The following ZYG11B variants were observed in gnomAD, a reference collection of about 807,000 sequenced individuals.
ZYG11B encodes zyg-11 family member B, cell cycle regulator, also known as protein zyg-11 homolog B.
In ZYG11B, 36 loss-of-function variants were observed where a neutral mutation model predicts 82.4. The ratio of observed to expected loss-of-function variants is 0.44; its 90% CI spans 0.33 to 0.58. The LOEUF (loss-of-function observed/expected upper bound fraction) is 0.58. Among genes scored for constraint, ZYG11B ranks in the 20% least tolerant of loss-of-function variants. The pLI is 0.02. For synonymous variants in ZYG11B, 303 were observed against 312.8 expected (o/e 0.97, Z 0.33); for missense variants, 552 against 895.6 (o/e 0.62, Z 4.90).
chr1:52,769,630 C>T (rs954928580), intron 2 of ZYG11B, among the ~76,000 whole-genome samples: 17 of 152,162 alleles, frequency 1.1e-4, no homozygotes, highest in Admixed American at 1.0e-3. Context: ...GCAGGTTTTG[C>T]ACAGGCCTTT....
At chr1:52,791,529 C>T (rs978279948) in intron 6 of ZYG11B, among the ~76,000 whole-genome samples, 6 of 151,776 alleles carry the variant, frequency 4.0e-5, no homozygotes, top group Admixed American at 1.3e-4. Flanking sequence ...CCATCATACC[C>T]GGCTAATTTT....
At chr1:52,809,244 T>C (rs1645164745) in intron 10 of ZYG11B, among the ~76,000 whole-genome samples, 1 of 152,216 alleles carries the variant, frequency 6.6e-6, no homozygotes, top group African/African-American at 2.4e-5. Context: ...TTTATAATGT[T>C]GTAGAACCAT....
chr1:52,779,956 C>G lies in ZYG11B; in HGVS notation c.1055C>G (p.Thr352Ser). ...GCTCTATTTCATCTTTTTAGTCTGA[C>G]TCATGTGATGGAAAAAACAAAGCCA... is the stretch of plus-strand genomic sequence containing the variant. Reference protein sequence around the residue: ...REALFHLFSLTHVMEKTKPEI... With the variant: ...REALFHLFSLSHVMEKTKPEI... Residue 352 changes from threonine to serine, a missense_variant, in exon 4 of 14, where the codon ACT (threonine) becomes AGT (serine). Physicochemically the swap from Thr to Ser is moderately conservative, Grantham distance 58. This residue lies in a region of ZYG11B where 359 missense variants were observed against 555.8 expected (regional missense o/e 0.65). Coordinates refer to ENST00000294353, the MANE Select transcript of ZYG11B (RefSeq NM_024646.3). 1 of 1,613,788 alleles carries G rather than the reference C, an allele frequency of 6.2e-7. No homozygotes were observed. Among genetic ancestry groups the G allele is most frequent in the Non-Finnish European group, 8.5e-7 (1 of 1,179,946 alleles).
chr1:52,780,156 A>G (rs942737875), intron 4 of ZYG11B, among the ~76,000 whole-genome samples, 163 bp downstream of exon 4: 2 of 152,202 alleles, frequency 1.3e-5, no homozygotes, highest in South Asian at 2.1e-4. Flanking sequence ...GAGAGAAGAT[A>G]GTTGTACAAT....
chr1:52,771,084 C>T lies in ZYG11B; in HGVS notation c.261C>T (p.Cys87=), dbSNP rs780790166. The change falls in exon 3 of 14, where the codon TGC becomes TGT. Residue 87 remains cysteine (C), a synonymous_variant. Coordinates refer to ENST00000294353, the MANE Select transcript of ZYG11B (RefSeq NM_024646.3). The surrounding 1 kb of genome is among the most constrained non-coding windows in gnomAD (Gnocchi z 5.4). ...RGNQMRLKRA[C]IRKAKISAVA... is the part of the protein sequence containing the mutation. Reference sequence around the variant, plus strand: ...ACCAGATGCGCTTAAAGCGAGCCTGCATTCGCAAAGCAAAGATCTCTGCTG... The same window carrying T: ...ACCAGATGCGCTTAAAGCGAGCCTGTATTCGCAAAGCAAAGATCTCTGCTG... The T allele has an allele frequency of 2.5e-6, 4 of 1,614,196 alleles. No homozygotes were observed. The Admixed American group carries it at 6.7e-5, about 27-fold the overall frequency.
At position 52,816,612 on chromosome 1, in the gene ZYG11B, A is replaced by G; in HGVS notation, c.2027A>G (p.His676Arg). Residue 676 changes from histidine to arginine, a missense_variant, in exon 13 of 14, where the codon CAT (histidine) becomes CGT (arginine). His to Arg is a conservative substitution (Grantham distance 29). Coordinates refer to ENST00000294353, the MANE Select transcript of ZYG11B (RefSeq NM_024646.3). ...CTATGGGCAGTTTGGGCCATGCAAC[A>G]TGTCTGCAGCAAGAATCGTATGTAC... is the stretch of plus-strand genomic sequence containing the variant. The part of the protein sequence containing the change: ...VQLWAVWAMQ[H>R]VCSKNPSRYC... 2 of 1,609,786 alleles carry G rather than the reference A, an allele frequency of 1.2e-6. No homozygotes were observed. The highest frequency in any genetic ancestry group is 1.7e-6 in the Non-Finnish European group (2 of 1,178,698).
chr1:52,760,444 GACA>G (rs557722602), intron 2 of ZYG11B, among the ~76,000 whole-genome samples: 4 of 151,598 alleles, frequency 2.6e-5, no homozygotes, highest in African/African-American at 4.8e-5. Context: ...GACTCTTAAC[GACA>G]ACAACAACAA....
chr1:52,773,709 C>T (rs1383325905), intron 3 of ZYG11B, among the ~76,000 whole-genome samples: 2 of 117,428 alleles, frequency 1.7e-5, no homozygotes, highest in African/African-American at 6.6e-5. Flanking sequence ...GTGGTATGAT[C>T]TTGGCTCACT....
rs1190047037 is a variant in ZYG11B, at chr1:52,803,093, T to C, written c.1695+954T>C. The stretch of plus-strand genomic sequence containing the variant: ...CTATATATATATATATACACATATA[T>C]ATATACATATATATATATATATATA... On this transcript the variant is annotated intron_variant, in intron 10 of 13. Transcript: ENST00000294353. Among the ~76,000 whole-genome samples the C allele has an allele frequency of 9.0e-4, 19 of 21,218 alleles. 2 individuals carry two copies. The highest frequency in any genetic ancestry group is 3.6e-3 in the African/African-American group (18 of 5,034). The allele number at this position is 21,218 out of a possible 152,430, so 13.9% of individuals were successfully genotyped here.
intron 8 of ZYG11B, among the ~76,000 whole-genome samples, chr1:52,799,677 C>T (rs1245594794): frequency 6.6e-6 from 1 of 151,850 alleles, no homozygotes. Flanking sequence ...CATCTGTAAT[C>T]CCAGCCACTC....
chr1:52,738,998 T>TTTTTTTTTTTG (rs1644400761), intron 1 of ZYG11B, among the ~76,000 whole-genome samples: 2 of 148,910 alleles, frequency 1.3e-5, no homozygotes, highest in Non-Finnish European at 3.0e-5. Context: ...TTTTTTTTTT[T>TTTTTTTTTTTG]GGAGACAGAG....
intron 2 of ZYG11B, among the ~76,000 whole-genome samples, chr1:52,767,122 A>G (rs1381322424): frequency 7.2e-6 from 1 of 138,882 alleles, no homozygotes; most frequent in Non-Finnish European, 1.6e-5. Flanking sequence ...TTGTTATTTT[A>G]TTTTATTTTG....
chr1:52,796,243 G>T (rs1645005297), intron 6 of ZYG11B, 49 bp from the exon 7 acceptor site: 4 of 1,425,790 alleles, frequency 2.8e-6, no homozygotes, highest in Non-Finnish European at 4.0e-6. Context: ...CTCTGAAATT[G>T]TGCCTGGGCC....
At chr1:52,808,084 C>T (rs547945657) in intron 10 of ZYG11B, among the ~76,000 whole-genome samples, 38 of 152,190 alleles carry the variant, frequency 2.5e-4, no homozygotes, top group Non-Finnish European at 4.3e-4. Flanking sequence ...ATTAGTTGGC[C>T]GGACACGGTG....
At chr1:52,733,443 G>T (rs1644351102) in intron 1 of ZYG11B, among the ~76,000 whole-genome samples, 1 of 152,128 alleles carries the variant, frequency 6.6e-6, no homozygotes, top group African/African-American at 2.4e-5. Context: ...GGAGACAAAG[G>T]TGGGTGGATT....
intron 1 of ZYG11B, among the ~76,000 whole-genome samples, chr1:52,753,553 C>G (rs1282086827): frequency 6.6e-6 from 1 of 151,812 alleles, no homozygotes; most frequent in African/African-American, 2.4e-5. Context: ...ACCCTAGTAG[C>G]TGAGATTACA....
intron 6 of ZYG11B, among the ~76,000 whole-genome samples, chr1:52,792,559 G>A (rs187389800): frequency 1.3e-5 from 2 of 152,232 alleles, no homozygotes; most frequent in East Asian, 3.9e-4. Flanking sequence ...ACTTGCCCAA[G>A]GTAATAAGAT....
intron 3 of ZYG11B, among the ~76,000 whole-genome samples, chr1:52,777,100 C>T (rs566703066): frequency 6.6e-6 from 1 of 152,162 alleles, no homozygotes; most frequent in South Asian, 2.1e-4. Context: ...ATCCCAGCTA[C>T]TCAGGAGGCT....
In ZYG11B at chr1:52,803,169, CACACATAT is replaced by C. The variant is rs1558140302; in HGVS notation, c.1695+1032_1695+1039del. Among the ~76,000 whole-genome samples the C allele has an allele frequency of 4.7e-4, 16 of 33,796 alleles. 2 individuals carry two copies. Among genetic ancestry groups the C allele is most frequent in the African/African-American group, 1.8e-3 (11 of 6,068 alleles). The allele number at this position is 33,796 out of a possible 152,430, so 22.2% of individuals were successfully genotyped here. A position where few individuals can be genotyped will look rare whatever the true frequency, so the allele number is the denominator to read the frequency against. On this transcript the variant is annotated intron_variant, in intron 10 of 13. Coordinates refer to ENST00000294353, the MANE Select transcript of ZYG11B (RefSeq NM_024646.3). ...ATATATATATACACATATATATATA[CACACATAT>C]ATATATATATACACATATATATATA...
Sources: allele counts gnomAD v4.1 joint callset (sites outside exome capture counted in the v4.1 genomes callset), GRCh38; gene constraint gnomAD v4.1.1; regional missense constraint gnomAD v4.1.1; non-coding constraint Gnocchi (gnomAD v3.1); transcripts MANE v1.5; gene names NCBI Gene and HGNC (gene_info 2026-07-23, HGNC 2026-07-21).